Variants in RPGRIP1L observed in about 807,000 individuals in gnomAD.
RPGRIP1L encodes RPGRIP1 like.
A neutral mutation model predicts 160.4 loss-of-function variants in RPGRIP1L; 131 were observed. The observed-to-expected ratio is 0.82, with a 90% CI of 0.71 to 0.94. The LOEUF (loss-of-function observed/expected upper bound fraction) is 0.94. Among genes scored for constraint, RPGRIP1L ranks in the 40% least tolerant of loss-of-function variants. RPGRIP1L has a pLI of 0.00. For synonymous variants in RPGRIP1L, 510 were observed against 515.8 expected (o/e 0.99, Z 0.15); for missense variants, 1,522 against 1,535.8 (o/e 0.99, Z 0.15).
chr16:53,702,214 A>C (rs758485255), intron 1 of RPGRIP1L, among the ~76,000 whole-genome samples: 27 of 152,234 alleles, frequency 1.8e-4, no homozygotes, highest in Non-Finnish European at 3.5e-4. Flanking sequence ...CCTGCTTTAC[A>C]AATGAGGAAG....
At chr16:53,681,842 G>C (rs1969634142) in intron 6 of RPGRIP1L, among the ~76,000 whole-genome samples, 3 of 152,190 alleles carry the variant, frequency 2.0e-5, no homozygotes, top group African/African-American at 7.2e-5. Flanking sequence ...AACTACGTTA[G>C]GTTCATGTTT....
intron 8 of RPGRIP1L, 54 bp downstream of exon 8, chr16:53,672,816 A>G: frequency 6.5e-7 from 1 of 1,527,838 alleles, no homozygotes. Flanking sequence ...CTTTTTCAAA[A>G]CAGTTACCAA....
intron 19 of RPGRIP1L, among the ~76,000 whole-genome samples, chr16:53,639,518 A>T (rs1966069197): frequency 6.6e-6 from 1 of 152,112 alleles, no homozygotes; most frequent in Non-Finnish European, 1.5e-5. Flanking sequence ...CTATTGTTGG[A>T]CATTTAACTA....
intron 2 of RPGRIP1L, among the ~76,000 whole-genome samples, chr16:53,700,104 T>A (rs181130815): frequency 3.3e-5 from 5 of 152,350 alleles, no homozygotes; most frequent in African/African-American, 4.8e-5. Flanking sequence ...AATTGTTCTT[T>A]AAAGTAGTGC....
At chr16:53,633,495 A>AG (rs1193827044) in intron 22 of RPGRIP1L, among the ~76,000 whole-genome samples, 1 of 152,212 alleles carries the variant, frequency 6.6e-6, no homozygotes, top group African/African-American at 2.4e-5. Context: ...CAGGCTAAAG[A>AG]GGCATGAAAA....
Position 53,602,097 on chromosome 16 carries a change from G to T in RPGRIP1L, c.3927C>A (p.Tyr1309Ter). 6.2e-7 allele frequency: 1 copy of T among 1,611,784 alleles called. No homozygotes were observed. The highest frequency in any genetic ancestry group is 8.5e-7 in the Non-Finnish European group (1 of 1,178,034). ...GCTTTCAAGCCTCCAAGTCATCTCT[G>T]TATTGCTTGTAGACAGACTGGAGGG... Reference protein sequence around the residue: ...LHALQSVYKQYRDDLEA With the variant: ...LHALQSVYKQ Residue 1309 changes from tyrosine to a stop codon, truncating the protein, a stop_gained, in exon 27 of 27, where the codon TAC becomes TAA. Transcript: ENST00000647211. LOFTEE classifies it high-confidence loss of function.
intron 15 of RPGRIP1L, among the ~76,000 whole-genome samples, chr16:53,651,249 G>A (rs1966850633): frequency 6.6e-6 from 1 of 152,098 alleles, no homozygotes; most frequent in Non-Finnish European, 1.5e-5. Flanking sequence ...CAAGTGATAA[G>A]CAAGTCTTGA....
rs374694596 is a variant in RPGRIP1L, at chr16:53,641,370, T to G, written c.2789A>C (p.Glu930Ala). The part of the protein sequence containing the change: ...YLPPSGSITT[E>A]DLGNFIRSEE... ...GCTGCGAATGAAATTTCCTAAGTCT[T>G]CAGTTGTTATTGATCCACTTGGTGG... Residue 930 changes from glutamate to alanine, a missense_variant, in exon 18 of 27, where the codon GAA (glutamate) becomes GCA (alanine). Glu to Ala is a moderately radical substitution (Grantham distance 107). Transcript: ENST00000647211. 3.1e-6 allele frequency: 5 copies of G among 1,613,996 alleles called. No individual in the cohort carries two copies. The highest frequency in any genetic ancestry group is 4.2e-6 in the Non-Finnish European group (5 of 1,179,994).
chr16:53,619,234 C>G, intron 23 of RPGRIP1L, 26 bp from the exon 24 acceptor site: 1 of 1,596,430 alleles, frequency 6.3e-7, no homozygotes, highest in Non-Finnish European at 8.6e-7. Context: ...AAACAAAAAA[C>G]AACAAAGAAA....
At chr16:53,660,272 T>C (rs897680796) in intron 10 of RPGRIP1L, among the ~76,000 whole-genome samples, 4 of 152,188 alleles carry the variant, frequency 2.6e-5, no homozygotes, top group Non-Finnish European at 5.9e-5. Context: ...ACCAATTTCA[T>C]CCTGCTCTCA....
intron 15 of RPGRIP1L, among the ~76,000 whole-genome samples, chr16:53,650,656 T>C (rs1465195163): frequency 6.6e-6 from 1 of 151,770 alleles, no homozygotes; most frequent in South Asian, 2.1e-4. Flanking sequence ...GGGAGGGAGG[T>C]AGACATTGAA....
chr16:53,653,028 G>T (rs1227893855), intron 14 of RPGRIP1L, 41 bp from the exon 15 acceptor site: 3 of 1,529,776 alleles, frequency 2.0e-6, no homozygotes, highest in Non-Finnish European at 2.7e-6. Context: ...TCAAAATATT[G>T]ACATGAGAAA....
At chr16:53,685,703 G>C (rs1415607905) in intron 6 of RPGRIP1L, among the ~76,000 whole-genome samples, 2 of 151,294 alleles carry the variant, frequency 1.3e-5, no homozygotes, top group Non-Finnish European at 2.9e-5. Flanking sequence ...ACTGGGGCCT[G>C]TCGGAGGGTG....
chr16:53,693,658 A>G (rs1970539751), intron 3 of RPGRIP1L: 1 of 152,208 alleles, frequency 6.6e-6, no homozygotes, highest in South Asian at 2.1e-4. Context: ...CTAGTAAAAT[A>G]ATCAATGGAT....
In RPGRIP1L at chr16:53,618,948, C is replaced by T. The variant is rs74018105; in HGVS notation, c.3616+77G>A. 8,720 of 1,202,364 alleles carry T rather than the reference C, an allele frequency of 7.3e-3. 78 individuals are homozygous for T. The highest frequency in any genetic ancestry group is 0.045 in the Middle Eastern group (173 of 3,886). 74.5% of individuals were successfully genotyped at this position (1,202,364 alleles called of 1,614,324 possible). A position where few individuals can be genotyped will look rare whatever the true frequency, so the allele number is the denominator to read the frequency against. ...TGTGAATATTAGAGAAATAAACTTT[C>T]TCTCTGTTCTTTCCACTTCTTTCAT... On this transcript the variant is annotated intron_variant, in intron 24 of 26. Transcript: ENST00000647211.
intron 22 of RPGRIP1L, among the ~76,000 whole-genome samples, chr16:53,634,629 A>G (rs1965719495): frequency 6.6e-6 from 1 of 152,066 alleles, no homozygotes; most frequent in Non-Finnish European, 1.5e-5. Context: ...TGATTGTTAT[A>G]AAGAACCTGG....
chr16:53,664,018 T>A (rs1968032241), intron 10 of RPGRIP1L, among the ~76,000 whole-genome samples: 2 of 152,216 alleles, frequency 1.3e-5, no homozygotes, highest in Admixed American at 1.3e-4. Context: ...ATTAAACTTT[T>A]AAACATTCTC....
intron 18 of RPGRIP1L, 30 bp downstream of exon 18, chr16:53,641,255 G>A (rs1966200365): frequency 6.2e-7 from 1 of 1,601,608 alleles, no homozygotes; most frequent in Non-Finnish European, 8.5e-7. Flanking sequence ...TTTTATACTT[G>A]TAAAAAAATT....
intron 3 of RPGRIP1L, 86 bp from the exon 4 acceptor site, chr16:53,692,450 A>G (rs971698663): frequency 2.5e-6 from 3 of 1,205,636 alleles, no homozygotes; most frequent in African/African-American, 1.5e-5. Flanking sequence ...CACTGTGAAG[A>G]CTTCAGTGCA....
Sources: allele counts gnomAD v4.1 joint callset (sites outside exome capture counted in the v4.1 genomes callset), GRCh38; gene constraint gnomAD v4.1.1; transcripts MANE v1.5; gene names NCBI Gene and HGNC (gene_info 2026-07-23, HGNC 2026-07-21).